The following CCDC171 variants were observed in gnomAD, a reference collection of about 807,000 sequenced individuals.
CCDC171 encodes coiled-coil domain-containing protein 171.
A neutral mutation model predicts 168.2 loss-of-function variants in CCDC171; 177 were observed. That is an observed-to-expected ratio of 1.05 (90% CI 0.93 to 1.19). CCDC171 has a LOEUF of 1.19. Ranked by LOEUF, CCDC171 falls within the 50% of genes most tolerant of loss-of-function variation. The pLI is 0.00. For synonymous variants in CCDC171, 687 were observed against 540.8 expected, an observed-to-expected ratio of 1.27 and a Z score of -3.75; for missense variants, 1,991 against 1,539.0, an observed-to-expected ratio of 1.29 and a Z score of -4.91.
chr9:15,817,925 C>A lies in CCDC171; in HGVS notation c.3268-28777C>A, dbSNP rs2059620366. Among the ~76,000 whole-genome samples the A allele has an allele frequency of 2.5e-5, 3 of 118,268 alleles. 1 individual carries two copies. Among genetic ancestry groups the A allele is most frequent in the African/African-American group, 9.5e-5 (3 of 31,522 alleles). 77.6% of individuals were successfully genotyped at this position (118,268 alleles called of 152,430 possible). ...AGTGGGTCCCTGACCCCTGAGTAAC[C>A]TAGCTGGGAGGCATCCCCCGGTAGG... On this transcript the variant is annotated intron_variant, in intron 21 of 25. Coordinates refer to ENST00000380701, the MANE Select transcript of CCDC171 (RefSeq NM_173550.4).
intron 23 of CCDC171, among the ~76,000 whole-genome samples, chr9:15,853,289 G>A (rs9407664): frequency 0.75 from 113,722 of 151,466 alleles, 44,386 homozygotes; most frequent in East Asian, 0.89. Flanking sequence ...GTATAAGTTA[G>A]GCATCTTCTT....
At chr9:15,947,855 A>G (rs1404914386) in intron 25 of CCDC171, among the ~76,000 whole-genome samples, 1 of 151,136 alleles carries the variant, frequency 6.6e-6, no homozygotes, top group Non-Finnish European at 1.5e-5. Context: ...TTTAGGTTTT[A>G]GAGTACATGT....
At chr9:15,574,729 A>C (rs1385985418) in intron 3 of CCDC171, among the ~76,000 whole-genome samples, 1 of 152,246 alleles carries the variant, frequency 6.6e-6, no homozygotes, top group African/African-American at 2.4e-5. Flanking sequence ...CTTATCAGGT[A>C]TTCCTAATGC....
chr9:15,765,576 G>C (rs2056676930), intron 18 of CCDC171, among the ~76,000 whole-genome samples: 1 of 152,174 alleles, frequency 6.6e-6, no homozygotes, highest in African/African-American at 2.4e-5. Context: ...ATTATTTTCT[G>C]CTTGCTACTA....
At chr9:15,633,754 G>T (rs1474629204) in intron 7 of CCDC171, among the ~76,000 whole-genome samples, 2 of 152,166 alleles carry the variant, frequency 1.3e-5, no homozygotes, top group African/African-American at 4.8e-5. Flanking sequence ...ATTCAGAATA[G>T]CAAAGACTTG....
rs58951910 is a variant in CCDC171, at chr9:15,983,817, A to AGTGTGTGTGTGTGT, written n.369-36745_369-36732dup. Among the ~76,000 whole-genome samples the AGTGTGTGTGTGTGT allele has an allele frequency of 3.5e-3, 497 of 142,586 alleles. 3 individuals are homozygous for AGTGTGTGTGTGTGT. The highest frequency in any genetic ancestry group is 0.012 in the African/African-American group (464 of 38,680). The allele number at this position is 142,586 out of a possible 152,430, so 93.5% of individuals were successfully genotyped here. A position where few individuals can be genotyped will look rare whatever the true frequency, so the allele number is the denominator to read the frequency against. On this transcript the variant is annotated intron_variant and non_coding_transcript_variant, in intron 3 of 9. Transcript: ENST00000486641. The stretch of plus-strand genomic sequence containing the variant: ...AGGGAGGCAAGAGCTAAATAAAGAG[A>AGTGTGTGTGTGTGT]GTGTGTGTGTGTGTGTGTGTGTGTG...
At chr9:15,558,718 G>C (rs956122242) in intron 1 of CCDC171, among the ~76,000 whole-genome samples, 49 of 151,982 alleles carry the variant, frequency 3.2e-4, no homozygotes, top group African/African-American at 1.1e-3. Context: ...GGGTTTTTTT[G>C]TGTCTCTATC....
chr9:15,683,652 C>G (rs1439347718), intron 10 of CCDC171, among the ~76,000 whole-genome samples: 1 of 152,010 alleles, frequency 6.6e-6, no homozygotes, highest in East Asian at 1.9e-4. Flanking sequence ...AGGAGGCTGA[C>G]TTCCTAAATT....
At chr9:16,009,480 T>C (rs1300635727) in intron 3 of CCDC171, among the ~76,000 whole-genome samples, 3 of 152,182 alleles carry the variant, frequency 2.0e-5, no homozygotes, top group Non-Finnish European at 2.9e-5. Flanking sequence ...AGGAGAGTTA[T>C]GTCTTATTTC....
At position 15,723,700 on chromosome 9, in the gene CCDC171, T is replaced by A; in HGVS notation, c.1445T>A (p.Leu482His). 1 of 1,593,444 alleles carries A rather than the reference T, an allele frequency of 6.3e-7. No individual in the cohort carries two copies. Among genetic ancestry groups the A allele is most frequent in the South Asian group, 1.1e-5 (1 of 88,244 alleles). The change falls in exon 13 of 26, where the codon CTT becomes CAT. Residue 482 changes from leucine (L) to histidine (H), a missense_variant. Transcript: ENST00000380701. ...GTTAAGGAAAAGGCATGTAATGAAC[T>A]TGATTCTACGAAACAGAAGATAGAC... ...ASNEEKACNE[L>H]DSTKQKIDSH...
At chr9:15,609,139 A>G (rs1303636897) in intron 6 of CCDC171, among the ~76,000 whole-genome samples, 1 of 150,966 alleles carries the variant, frequency 6.6e-6, no homozygotes, top group Non-Finnish European at 1.5e-5. Flanking sequence ...TCGCTCTGTC[A>G]TCTAGGCTGG....
chr9:15,986,429 C>G (rs937447547), intron 3 of CCDC171, among the ~76,000 whole-genome samples: 1 of 152,210 alleles, frequency 6.6e-6, no homozygotes, highest in African/African-American at 2.4e-5. Context: ...AGTTCTCTTT[C>G]CAGCTGATCC....
At chr9:15,904,871 C>T (rs1286184706) in intron 24 of CCDC171, among the ~76,000 whole-genome samples, 86 of 151,636 alleles carry the variant, frequency 5.7e-4, no homozygotes, top group African/African-American at 1.9e-3. Context: ...GGGTTGCAAT[C>T]CTAGTCTCTG....
At chr9:15,986,988 A>C (rs1832010170) in intron 3 of CCDC171, among the ~76,000 whole-genome samples, 1 of 152,186 alleles carries the variant, frequency 6.6e-6, no homozygotes, top group Non-Finnish European at 1.5e-5. Flanking sequence ...AAACTCCAGA[A>C]AATAAAATAT....
chr9:15,606,917 C>T (rs1424705746), intron 6 of CCDC171, among the ~76,000 whole-genome samples: 3 of 152,156 alleles, frequency 2.0e-5, no homozygotes, highest in Non-Finnish European at 4.4e-5. Flanking sequence ...CACACAGACA[C>T]ACATAATAAA....
intron 3 of CCDC171, among the ~76,000 whole-genome samples, chr9:16,004,702 A>T (rs1420684420): frequency 6.6e-6 from 1 of 152,202 alleles, no homozygotes; most frequent in Non-Finnish European, 1.5e-5. Flanking sequence ...AGGTGTCTAA[A>T]TTCGAGACCT....
chr9:15,647,228 A>C (rs2047118582), intron 7 of CCDC171, among the ~76,000 whole-genome samples: 1 of 152,188 alleles, frequency 6.6e-6, no homozygotes, highest in South Asian at 2.1e-4. Flanking sequence ...AACATACCAG[A>C]ATCTCTGGGA....
intron 18 of CCDC171, among the ~76,000 whole-genome samples, chr9:15,774,246 TAAAAAAAAAAAAAAAA>T (rs56239417): frequency 1.3e-4 from 5 of 37,986 alleles, no homozygotes; most frequent in African/African-American, 3.8e-4. Context: ...ACGCTGTCTT[TAAAAAAAAAAAAAAAA>T]AAAAAAAAAA....
At chr9:15,676,401 C>G (rs941162361) in intron 9 of CCDC171, among the ~76,000 whole-genome samples, 3 of 151,978 alleles carry the variant, frequency 2.0e-5, no homozygotes, top group African/African-American at 7.2e-5. Flanking sequence ...CATTCTCCAT[C>G]CGGTTTTGTT....
Sources: allele counts gnomAD v4.1 joint callset (sites outside exome capture counted in the v4.1 genomes callset), GRCh38; gene constraint gnomAD v4.1.1; transcripts MANE v1.5; gene names NCBI Gene and HGNC (gene_info 2026-07-23, HGNC 2026-07-21).